MARK1: variants seen among roughly 807,000 people sequenced by gnomAD.
MARK1 encodes the protein serine/threonine-protein kinase MARK1.
In MARK1, 40 loss-of-function variants were observed where a neutral mutation model predicts 96.3. The observed-to-expected ratio is 0.42, with a 90% CI of 0.32 to 0.54. The LOEUF is 0.54. Ranked by LOEUF, MARK1 falls within the 20% of genes least tolerant of loss-of-function variation. The pLI is 0.16. For missense variants in MARK1, 719 were observed against 984.6 expected, an observed-to-expected ratio of 0.73 and a Z score of 3.61; for synonymous variants, 317 against 341.2, an observed-to-expected ratio of 0.93 and a Z score of 0.78.
intron 1 of MARK1, among the ~76,000 whole-genome samples, chr1:220,567,336 T>TTTA (rs1184487837): frequency 2.0e-5 from 3 of 152,142 alleles, no homozygotes; most frequent in African/African-American, 7.2e-5. Context: ...TGTGTGGGAA[T>TTTA]TTATTTGTAG....
At chr1:220,568,303 G>T (rs1228094000) in intron 1 of MARK1, among the ~76,000 whole-genome samples, 2 of 152,116 alleles carry the variant, frequency 1.3e-5, no homozygotes, top group African/African-American at 4.8e-5. Context: ...TTTAAGCAAA[G>T]ACTTGAGGGA....
Position 220,555,845 on chromosome 1 carries a change from T to C in MARK1, c.52-23509T>C, listed in dbSNP as rs145017448. On this transcript the variant is annotated intron_variant, in intron 1 of 17. Coordinates refer to ENST00000366917, the MANE Select transcript of MARK1 (RefSeq NM_018650.5). The stretch of plus-strand genomic sequence containing the variant: ...AGTCACATGACTGAGTAAATTCACC[T>C]AGGGAGAATATATAGCCAGGAAAAA... Among the ~76,000 whole-genome samples the C allele has an allele frequency of 5.3e-5, 8 of 152,274 alleles. No homozygotes were observed. In the East Asian group the frequency reaches 1.5e-3, roughly 29 times the overall value.
At chr1:220,545,377 C>G (rs997139237) in intron 1 of MARK1, among the ~76,000 whole-genome samples, 2 of 149,490 alleles carry the variant, frequency 1.3e-5, no homozygotes, top group Non-Finnish European at 3.0e-5. Flanking sequence ...TAAATATTTT[C>G]TGTGTGCCTG....
At chr1:220,529,579 A>G (rs1347584175) in intron 1 of MARK1, among the ~76,000 whole-genome samples, 1 of 152,188 alleles carries the variant, frequency 6.6e-6, no homozygotes. Context: ...AGTGATAATG[A>G]TGCAGGGCAG....
chr1:220,558,712 A>G (rs761412317), intron 1 of MARK1, among the ~76,000 whole-genome samples: 43 of 152,122 alleles, frequency 2.8e-4, no homozygotes, highest in Admixed American at 5.9e-4. Flanking sequence ...AAATTGATAT[A>G]TTTATAAAAG....
At chr1:220,616,203 T>C (rs1190893096) in intron 7 of MARK1, among the ~76,000 whole-genome samples, 1 of 152,184 alleles carries the variant, frequency 6.6e-6, no homozygotes, top group Non-Finnish European at 1.5e-5. Context: ...TTTTCTAGCT[T>C]TAGAAGTTAG....
chr1:220,653,309 T>C lies in MARK1; in HGVS notation c.1945T>C (p.Ser649Pro). 6 of 1,614,224 alleles carry C rather than the reference T, an allele frequency of 3.7e-6. No homozygotes were observed. The highest frequency in any genetic ancestry group is 5.1e-6 in the Non-Finnish European group (6 of 1,180,044). Residue 649 changes from serine to proline, a missense_variant, in exon 16 of 18, where the codon TCA becomes CCA. By Grantham distance (74) the Ser-to-Pro change is moderately conservative. This residue lies in a region of MARK1 where 501 missense variants were observed against 588.3 expected (regional missense o/e 0.85). Coordinates refer to ENST00000366917, the MANE Select transcript of MARK1 (RefSeq NM_018650.5). Reference protein sequence around the residue: ...GAFAHARRGTSTGIISKITSK... With the variant: ...GAFAHARRGTPTGIISKITSK... Reference sequence around the variant, plus strand: ...ATTTGCACATGCCAGAAGGGGAACGTCAACTGGTATAATAAGCAAAATCAC... The same window carrying C: ...ATTTGCACATGCCAGAAGGGGAACGCCAACTGGTATAATAAGCAAAATCAC...
chr1:220,627,011 T>G, intron 9 of MARK1: 1 of 538,476 alleles, frequency 1.9e-6, no homozygotes, highest in South Asian at 1.4e-5. Context: ...CTACTTGGAA[T>G]AGTTTGGACC....
Position 220,662,035 on chromosome 1 carries a change from G to T in MARK1, c.2257G>T (p.Val753Leu), listed in dbSNP as rs139856187. 63 of 1,614,040 alleles carry T rather than the reference G, an allele frequency of 3.9e-5. No individual in the cohort carries two copies. The highest frequency in any genetic ancestry group is 5.3e-5 in the Non-Finnish European group (62 of 1,180,030). Residue 753 changes from valine (V) to leucine (L), a missense_variant, in exon 18 of 18, where the codon GTG (valine) becomes TTG (leucine). Physicochemically the swap from Val to Leu is conservative, Grantham distance 32. This residue lies in a region of MARK1 where 501 missense variants were observed against 588.3 expected (regional missense o/e 0.85). Coordinates refer to ENST00000366917, the MANE Select transcript of MARK1 (RefSeq NM_018650.5). ...VHGDARQDSL[V>L]QWEMEVCKLP... ...TGGAGACGCTAGACAGGATAGCCTC[G>T]TGCAGTGGGAGATGGAAGTCTGCAA...
chr1:220,619,137 C>G (rs576573231), intron 9 of MARK1, among the ~76,000 whole-genome samples: 1 of 152,202 alleles, frequency 6.6e-6, no homozygotes, highest in Non-Finnish European at 1.5e-5. Context: ...AAATTCTAAT[C>G]TAATGAATAT....
chr1:220,656,025 C>T (rs981850067), intron 16 of MARK1, among the ~76,000 whole-genome samples: 1 of 152,224 alleles, frequency 6.6e-6, no homozygotes, highest in Non-Finnish European at 1.5e-5. Context: ...CTCACTTCTA[C>T]ACCAAACCTT....
At position 220,661,795 on chromosome 1, in the gene MARK1, T is replaced by C; in HGVS notation, c.2034-17T>C. 6.4e-6 allele frequency: 10 copies of C among 1,557,866 alleles called. No homozygotes were observed. Among genetic ancestry groups the C allele is most frequent in the Non-Finnish European group, 7.0e-6 (8 of 1,141,290 alleles). ...AAATATTTGCTTTCATTCTTTCCCT[T>C]TGCCCTCTTGTTCCAGAAGTACATC... On this transcript the variant is annotated splice_polypyrimidine_tract_variant and intron_variant, in intron 17 of 17. Transcript: ENST00000366917.
intron 17 of MARK1, 132 bp downstream of exon 17, chr1:220,657,966 T>C: frequency 1.7e-6 from 1 of 592,744 alleles, no homozygotes; most frequent in Non-Finnish European, 2.6e-6. Context: ...GATTTTTATA[T>C]TGGGGTGGGT....
At position 220,568,248 on chromosome 1, in the gene MARK1, T is replaced by G. The variant is rs773179704; in HGVS notation, c.52-11106T>G. Among the ~76,000 whole-genome samples the G allele has an allele frequency of 2.0e-5, 3 of 152,142 alleles. No homozygotes were observed. The South Asian group carries it at 6.2e-4, about 32-fold the overall frequency. On this transcript the variant is annotated intron_variant, in intron 1 of 17. Coordinates refer to ENST00000366917, the MANE Select transcript of MARK1 (RefSeq NM_018650.5). The stretch of plus-strand genomic sequence containing the variant: ...ATCAATCAGTAAGGCAAAGGAGATG[T>G]GTGGTATGAAACAGGTCAAAGTAAA...
At position 220,618,336 on chromosome 1, in the gene MARK1, T is replaced by A; in HGVS notation, c.579T>A (p.Asp193Glu). 6.2e-7 allele frequency: 1 copy of A among 1,612,092 alleles called. No homozygotes were observed. Among genetic ancestry groups the A allele is most frequent in the Non-Finnish European group, 8.5e-7 (1 of 1,178,126 alleles). The change falls in exon 8 of 18, where the codon GAT becomes GAA. Residue 193 changes from aspartate (D) to glutamate (E), a missense_variant. Asp to Glu is a conservative substitution (Grantham distance 45). Around this residue, in one of 4 missense-constraint regions of MARK1, gnomAD observed 96 missense variants for 213.1 expected, o/e 0.45. Transcript: ENST00000366917. The surrounding 1 kb of genome is among the most constrained non-coding windows in gnomAD (Gnocchi z 4.6). ...LKAENLLLDG[D>E]MNIKIADFGF... ...CTGAAAACCTTCTCCTTGATGGTGA[T>A]ATGAATATTAAAATTGCTGACTTTG...
At chr1:220,567,937 C>CT (rs1268840529) in intron 1 of MARK1, among the ~76,000 whole-genome samples, 1 of 152,042 alleles carries the variant, frequency 6.6e-6, no homozygotes, top group African/African-American at 2.4e-5. Flanking sequence ...TTACTTTTAA[C>CT]TTTTTTTACT....
intron 9 of MARK1, chr1:220,626,918 A>G (rs1247882427): frequency 2.0e-6 from 1 of 494,404 alleles, no homozygotes; most frequent in Non-Finnish European, 4.0e-6. Flanking sequence ...AGTGGTTCCA[A>G]TTTGTAATGT....
At chr1:220,605,088 A>C (rs1450236757) in intron 6 of MARK1, among the ~76,000 whole-genome samples, 1 of 152,178 alleles carries the variant, frequency 6.6e-6, no homozygotes, top group Non-Finnish European at 1.5e-5. Context: ...GTGTGTGTTA[A>C]CATGTTAAAC....
intron 3 of MARK1, among the ~76,000 whole-genome samples, chr1:220,593,761 C>T (rs534636482): frequency 1.3e-5 from 2 of 152,220 alleles, no homozygotes; most frequent in East Asian, 3.9e-4. Context: ...TGAATGTGTT[C>T]TGAGGGGACT....
Sources: allele counts gnomAD v4.1 joint callset (sites outside exome capture counted in the v4.1 genomes callset), GRCh38; gene constraint gnomAD v4.1.1; regional missense constraint gnomAD v4.1.1; non-coding constraint Gnocchi (gnomAD v3.1); transcripts MANE v1.5; gene names NCBI Gene and HGNC (gene_info 2026-07-23, HGNC 2026-07-21).